The following DLG2 variants were observed in gnomAD, a reference collection of about 807,000 sequenced individuals.
The protein encoded by DLG2 is discs large MAGUK scaffold protein 2.
Under a neutral mutation model 132.5 loss-of-function variants are expected in DLG2, and 45 were observed. The observed-to-expected ratio is 0.34, with a 90% CI of 0.27 to 0.44. The LOEUF (loss-of-function observed/expected upper bound fraction) is 0.44. Ranked by LOEUF, DLG2 falls within the 20% of genes least tolerant of loss-of-function variation. The probability of loss-of-function intolerance (pLI) is 1.00; values close to 1 mark genes in which losing one functional copy is unlikely to be tolerated. For missense variants in DLG2, 1,045 were observed against 1,196.9 expected (o/e 0.87, Z 1.87); for synonymous variants, 424 against 419.6 (o/e 1.01, Z -0.13).
chr11:84,841,363 A>G (rs1305869087), intron 6 of DLG2, among the ~76,000 whole-genome samples: 1 of 152,028 alleles, frequency 6.6e-6, no homozygotes, highest in African/African-American at 2.4e-5. Context: ...TGTTTGAAGT[A>G]TATGCATGAG....
chr11:85,444,321 A>G (rs1287124505), intron 3 of DLG2, among the ~76,000 whole-genome samples: 1 of 152,208 alleles, frequency 6.6e-6, no homozygotes, highest in Non-Finnish European at 1.5e-5. Context: ...ATCCTTGACC[A>G]CGACATTTGC....
chr11:85,475,552 A>C (rs537371584), intron 3 of DLG2, among the ~76,000 whole-genome samples: 105 of 152,206 alleles, frequency 6.9e-4, no homozygotes, highest in Non-Finnish European at 1.1e-3. Flanking sequence ...CTATTGCTGT[A>C]ATTTTTCCAA....
chr11:85,496,431 G>A (rs1307467066), intron 3 of DLG2, among the ~76,000 whole-genome samples: 1 of 152,180 alleles, frequency 6.6e-6, no homozygotes, highest in African/African-American at 2.4e-5. Context: ...CAAACTGGGT[G>A]AAGCCCACTG....
chr11:85,158,373 T>G (rs1025780138), intron 4 of DLG2, among the ~76,000 whole-genome samples: 2 of 152,160 alleles, frequency 1.3e-5, no homozygotes, highest in Non-Finnish European at 2.9e-5. Flanking sequence ...GATAACCCAC[T>G]GTGAGTGAGC....
intron 7 of DLG2, among the ~76,000 whole-genome samples, chr11:84,368,936 A>G (rs896402920): frequency 9.8e-5 from 15 of 152,296 alleles, no homozygotes; most frequent in African/African-American, 3.6e-4. Context: ...ATACTGCATA[A>G]TAACTAGTAG....
chr11:84,433,934 T>C (rs1226343457), intron 7 of DLG2, among the ~76,000 whole-genome samples: 2 of 151,896 alleles, frequency 1.3e-5, no homozygotes, highest in Admixed American at 6.6e-5. Flanking sequence ...TTGGGGAACA[T>C]GGGGAAACCT....
chr11:83,764,693 T>C (rs2094065225), intron 18 of DLG2, among the ~76,000 whole-genome samples: 1 of 152,240 alleles, frequency 6.6e-6, no homozygotes, highest in South Asian at 2.1e-4. Flanking sequence ...GTGAAGTGCC[T>C]TTCCCAGGGT....
rs551427141 is a variant in DLG2 at position 83,951,905 on chromosome 11, G to C, written c.1340+10980C>G. ...ACTAGTGTGCTGGTAGTGGAATGTG[G>C]CACATTGTGGATGTATTTTGAAGGT... On this transcript the variant is annotated intron_variant, in intron 14 of 27. Transcript: ENST00000376104. Among the ~76,000 whole-genome samples the C allele has an allele frequency of 3.9e-5, 6 of 152,248 alleles. No homozygotes were observed. The South Asian group carries it at 1.2e-3, about 32-fold the overall frequency.
intron 3 of DLG2, among the ~76,000 whole-genome samples, chr11:85,558,216 T>A (rs1298935568): frequency 6.6e-6 from 1 of 151,874 alleles, no homozygotes; most frequent in Non-Finnish European, 1.5e-5. Flanking sequence ...TCAATATCAC[T>A]AATGATCAGA....
intron 6 of DLG2, among the ~76,000 whole-genome samples, chr11:85,035,486 TGA>T: frequency 6.6e-6 from 1 of 151,628 alleles, no homozygotes; most frequent in Non-Finnish European, 1.5e-5. Context: ...AGGCGAGAGG[TGA>T]GAGAGAAGGA....
chr11:83,469,985 A>T (rs1591374465), intron 24 of DLG2, among the ~76,000 whole-genome samples: 2 of 152,306 alleles, frequency 1.3e-5, no homozygotes, highest in East Asian at 1.9e-4. Context: ...ATTTTTTGGT[A>T]AGAAGAGAAG....
intron 3 of DLG2, among the ~76,000 whole-genome samples, chr11:85,429,651 C>T (rs1597273382): frequency 6.6e-6 from 1 of 152,186 alleles, no homozygotes. Context: ...ATCAAAACCA[C>T]AATGAGATAC....
chr11:85,343,789 A>C (rs1027743877), intron 3 of DLG2, among the ~76,000 whole-genome samples: 2 of 152,198 alleles, frequency 1.3e-5, no homozygotes, highest in African/African-American at 4.8e-5. Context: ...TCTGAAGTGC[A>C]ATGATAATGA....
At chr11:83,467,531 CTGAGATCAGGAGTT>C (rs2091253328) in intron 25 of DLG2, among the ~76,000 whole-genome samples, 1 of 151,558 alleles carries the variant, frequency 6.6e-6, no homozygotes, top group African/African-American at 2.4e-5. Context: ...GGTGGATCAC[CTGAGATCAGGAGTT>C]CGAGACCAGC....
chr11:84,875,398 G>A (rs2086181907), intron 6 of DLG2, among the ~76,000 whole-genome samples: 1 of 151,886 alleles, frequency 6.6e-6, no homozygotes, highest in Non-Finnish European at 1.5e-5. Flanking sequence ...TAAGGGTACT[G>A]AGGCCCTCAT....
chr11:84,960,453 T>G (rs1329115728), intron 6 of DLG2, among the ~76,000 whole-genome samples: 4 of 151,784 alleles, frequency 2.6e-5, no homozygotes, highest in Non-Finnish European at 5.9e-5. Context: ...TTTTTTTTTT[T>G]GAGATAGAGT....
At chr11:85,627,137 G>C (rs2082076425) in intron 1 of DLG2, 81 bp downstream of exon 1, 1 of 152,136 alleles carries the variant, frequency 6.6e-6, no homozygotes, top group Admixed American at 6.5e-5. Flanking sequence ...AAAAAGATAG[G>C]TGAGTTTGAA....
intron 7 of DLG2, among the ~76,000 whole-genome samples, chr11:84,458,510 T>C (rs150994494): frequency 3.2e-4 from 49 of 151,036 alleles, no homozygotes; most frequent in African/African-American, 1.2e-3. Flanking sequence ...TTATCTTAAA[T>C]GCTGTTAGAA....
At chr11:84,028,938 T>G (rs1304314358) in intron 11 of DLG2, among the ~76,000 whole-genome samples, 2 of 152,116 alleles carry the variant, frequency 1.3e-5, no homozygotes, top group Non-Finnish European at 2.9e-5. Flanking sequence ...AAATTTTCTT[T>G]ATAGCTCTAT....
Sources: gnomAD v4.1 joint callset for allele counts (sites outside exome capture counted in the v4.1 genomes callset) on GRCh38, gnomAD v4.1.1 for gene constraint, MANE v1.5 for transcripts, NCBI Gene and HGNC (gene_info 2026-07-23, HGNC 2026-07-21) for gene names.